Variants in MSH3 observed in about 807,000 individuals in gnomAD.
The protein encoded by MSH3 is DNA mismatch repair protein Msh3.
MSH3 carries 106 observed loss-of-function variants against 123.3 expected under a neutral mutation model. The observed-to-expected ratio is 0.86, with a 90% CI of 0.73 to 1.01. MSH3 has a LOEUF of 1.01. Ranked by LOEUF, MSH3 falls within the 50% of genes least tolerant of loss-of-function variation. MSH3 has a pLI of 0.00. For synonymous variants in MSH3, 515 were observed against 481.4 expected, an observed-to-expected ratio of 1.07 and a Z score of -0.91; for missense variants, 1,459 against 1,347.6, an observed-to-expected ratio of 1.08 and a Z score of -1.29.
At chr5:80,662,926 T>C (rs932934553) in intron 2 of MSH3, among the ~76,000 whole-genome samples, 2 of 151,860 alleles carry the variant, frequency 1.3e-5, no homozygotes, top group Non-Finnish European at 2.9e-5. Flanking sequence ...AAGAGAAAAT[T>C]GGAGGTTTTA....
chr5:80,692,647 TATAG>T (rs1223830336), intron 8 of MSH3, among the ~76,000 whole-genome samples: 1 of 134,492 alleles, frequency 7.4e-6, no homozygotes, highest in Non-Finnish European at 1.6e-5. Flanking sequence ...TATATGTTTA[TATAG>T]ATATATATAT....
intron 8 of MSH3, among the ~76,000 whole-genome samples, chr5:80,696,939 T>A (rs6151682): frequency 0.011 from 1,751 of 152,334 alleles, 13 homozygotes; most frequent in South Asian, 0.045. Flanking sequence ...ATTAAAAAAC[T>A]GCTTTTAATA....
intron 20 of MSH3, among the ~76,000 whole-genome samples, chr5:80,825,204 C>T (rs1270721016): frequency 6.6e-6 from 1 of 152,120 alleles, no homozygotes; most frequent in Non-Finnish European, 1.5e-5. Flanking sequence ...CTCCCTAATC[C>T]CATTGCCCTC....
chr5:80,776,928 A>ATATTT (rs71640414), intron 16 of MSH3, among the ~76,000 whole-genome samples: 3,511 of 139,264 alleles, frequency 0.025, 74 homozygotes, highest in East Asian at 0.079. Context: ...ATATATATAT[A>ATATTT]TTTTTTTTTT....
chr5:80,867,244 G>C (rs1187285473), intron 22 of MSH3, among the ~76,000 whole-genome samples: 1 of 152,154 alleles, frequency 6.6e-6, no homozygotes, highest in East Asian at 1.9e-4. Context: ...CCTCCTTTTT[G>C]TAATTCCCAG....
intron 15 of MSH3, among the ~76,000 whole-genome samples, chr5:80,775,485 T>C (rs1173956484): frequency 1.3e-5 from 2 of 152,188 alleles, no homozygotes; most frequent in Non-Finnish European, 2.9e-5. Flanking sequence ...AAATGTTTTA[T>C]GCAATACAAA....
chr5:80,708,860 C>T (rs986137100), intron 8 of MSH3, among the ~76,000 whole-genome samples: 3 of 152,034 alleles, frequency 2.0e-5, no homozygotes, highest in South Asian at 4.1e-4. Flanking sequence ...CTTCAACCTC[C>T]GCCTCCTGGG....
chr5:80,803,426 T>TTTTTC (rs1744827167), intron 19 of MSH3, among the ~76,000 whole-genome samples: 1 of 151,502 alleles, frequency 6.6e-6, no homozygotes, highest in Non-Finnish European at 1.5e-5. Context: ...TTTTTCAGTT[T>TTTTTC]TTTTCCTGTT....
intron 3 of MSH3, among the ~76,000 whole-genome samples, chr5:80,668,856 C>G (rs1561435666): frequency 6.6e-6 from 1 of 152,158 alleles, no homozygotes; most frequent in Non-Finnish European, 1.5e-5. Flanking sequence ...ACAGCTGTGC[C>G]CAGGGAGCGT....
At chr5:80,791,175 C>G (rs1393858559) in intron 18 of MSH3, among the ~76,000 whole-genome samples, 2 of 119,162 alleles carry the variant, frequency 1.7e-5, no homozygotes, top group Non-Finnish European at 3.3e-5. Context: ...AATTTATAGA[C>G]AGACAGGAGA....
chr5:80,735,650 C>T (rs1743492734), intron 10 of MSH3, among the ~76,000 whole-genome samples: 1 of 151,940 alleles, frequency 6.6e-6, no homozygotes, highest in South Asian at 2.1e-4. Context: ...GACATCGTAC[C>T]ACTGCACTCA....
intron 12 of MSH3, among the ~76,000 whole-genome samples, chr5:80,753,084 A>G (rs748164560): frequency 2.0e-5 from 3 of 152,164 alleles, no homozygotes; most frequent in Non-Finnish European, 4.4e-5. Flanking sequence ...TATACAGAAA[A>G]TACACACACA....
At chr5:80,866,817 T>C (rs897806683) in intron 22 of MSH3, among the ~76,000 whole-genome samples, 3 of 152,236 alleles carry the variant, frequency 2.0e-5, no homozygotes, top group Non-Finnish European at 2.9e-5. Flanking sequence ...TTTCTTTCTT[T>C]TACAACGTTT....
intron 20 of MSH3, among the ~76,000 whole-genome samples, chr5:80,821,028 A>G (rs1228093059): frequency 1.3e-5 from 2 of 152,220 alleles, no homozygotes; most frequent in African/African-American, 2.4e-5. Flanking sequence ...TCTCTGCAAG[A>G]TGGGATAATC....
intron 8 of MSH3, among the ~76,000 whole-genome samples, chr5:80,688,882 T>C (rs1358846882): frequency 6.6e-6 from 1 of 152,164 alleles, no homozygotes; most frequent in Non-Finnish European, 1.5e-5. Flanking sequence ...GATTGCAGTG[T>C]TACAGTTCTA....
chr5:80,843,820 A>G (rs560023443), intron 20 of MSH3, among the ~76,000 whole-genome samples: 3 of 152,012 alleles, frequency 2.0e-5, no homozygotes, highest in African/African-American at 4.8e-5. Context: ...TCTTGCTAGC[A>G]GTCTATCAAT....
At chr5:80,724,957 G>A (rs1250332378) in intron 8 of MSH3, among the ~76,000 whole-genome samples, 1 of 152,154 alleles carries the variant, frequency 6.6e-6, no homozygotes, top group Non-Finnish European at 1.5e-5. Flanking sequence ...GCTCACGCCT[G>A]TAATCCCAGC....
intron 21 of MSH3, among the ~76,000 whole-genome samples, chr5:80,862,573 TAGTG>T (rs1561502767): frequency 6.6e-6 from 1 of 151,992 alleles, no homozygotes; most frequent in Non-Finnish European, 1.5e-5. Flanking sequence ...CTGGGTAACA[TAGTG>T]AGACCCCTCT....
At chr5:80,678,172 C>T (rs1259982168) in intron 7 of MSH3, among the ~76,000 whole-genome samples, 3 of 152,156 alleles carry the variant, frequency 2.0e-5, no homozygotes, top group East Asian at 1.9e-4. Flanking sequence ...CATAAGCATC[C>T]GTAGTGGCTA....
Sources: gnomAD v4.1 joint callset for allele counts (sites outside exome capture counted in the v4.1 genomes callset) on GRCh38, gnomAD v4.1.1 for gene constraint, MANE v1.5 for transcripts, NCBI Gene and HGNC (gene_info 2026-07-23, HGNC 2026-07-21) for gene names.